BMF: variants seen among roughly 807,000 people sequenced by gnomAD.
BMF encodes bcl-2-modifying factor.
Under a neutral mutation model 22.0 loss-of-function variants are expected in BMF, and 10 were observed. That is an observed-to-expected ratio of 0.45 (90% CI 0.28 to 0.77). The LOEUF is 0.77. Among genes scored for constraint, BMF ranks in the 30% least tolerant of loss-of-function variants. BMF has a pLI of 0.13. For missense variants in BMF, 206 were observed against 226.8 expected (o/e 0.91, Z 0.59); for synonymous variants, 87 against 88.1 (o/e 0.99, Z 0.07).
intron 4 of BMF, among the ~76,000 whole-genome samples, chr15:40,103,173 G>A (rs925509701): frequency 5.3e-5 from 8 of 152,232 alleles, no homozygotes; most frequent in Admixed American, 2.6e-4. Flanking sequence ...CCCAGTCATG[G>A]TCAAGCTATT....
rs1567035483 is a variant in BMF, at chr15:40,104,350, T to TAG, written c.293-12_293-11dup. 1 of 1,613,800 alleles carries TAG rather than the reference T, an allele frequency of 6.2e-7. No individual in the cohort carries two copies. Among genetic ancestry groups the TAG allele is most frequent in the Admixed American group, 1.7e-5 (1 of 60,004 alleles). The stretch of plus-strand genomic sequence containing the variant: ...CGATAGCCAGCATTGCCTGCAAAGA[T>TAG]AGAGGATCCACATCTCAGCATTCTC... On this transcript the variant is annotated splice_polypyrimidine_tract_variant and intron_variant, in intron 3 of 4. Coordinates refer to ENST00000354670, the MANE Select transcript of BMF (RefSeq NM_001003940.2).
chr15:40,093,758 G>A (rs1445855887), intron 4 of BMF, among the ~76,000 whole-genome samples: 2 of 152,212 alleles, frequency 1.3e-5, no homozygotes, highest in Non-Finnish European at 2.9e-5. Context: ...ATAGTAACGT[G>A]GGGTTAGGGT....
chr15:40,098,422 A>C (rs1398113828), intron 4 of BMF, among the ~76,000 whole-genome samples: 4 of 151,162 alleles, frequency 2.6e-5, no homozygotes, highest in African/African-American at 9.7e-5. Flanking sequence ...CAGAGCTCAG[A>C]AGGGCACAAT....
Position 40,091,824 on chromosome 15 carries a change from T to C in BMF, c.518A>G (p.Asn173Ser). 6.2e-7 allele frequency: 1 copy of C among 1,611,628 alleles called. No individual in the cohort carries two copies. Among genetic ancestry groups the C allele is most frequent in the Non-Finnish European group, 8.5e-7 (1 of 1,179,262 alleles). Reference protein sequence around the residue: ...ILLFLHNLALNGEENRNGAGP... With the variant: ...ILLFLHNLALSGEENRNGAGP... ...TGCCCCGTTCCTGTTCTCTTCTCCA[T>C]TCAAAGCAAGGTTGTGCAGGAAGAG... The change falls in exon 5 of 5, where the codon AAT (asparagine) becomes AGT (serine). Residue 173 changes from asparagine to serine, a missense_variant. Transcript: ENST00000354670.
chr15:40,105,730 G>A (rs1281100700), intron 3 of BMF, 65 bp downstream of exon 3: 6 of 1,505,362 alleles, frequency 4.0e-6, no homozygotes, highest in Non-Finnish European at 5.4e-6. Context: ...GCAGGTTTGG[G>A]GAGGGAAAGT....
chr15:40,092,453 TCACACA>T (rs34626523), intron 4 of BMF, among the ~76,000 whole-genome samples: 4 of 148,606 alleles, frequency 2.7e-5, no homozygotes, highest in African/African-American at 7.4e-5. Flanking sequence ...ACACACAGAC[TCACACA>T]CACACACACA....
chr15:40,093,704 G>A (rs1306632509), intron 4 of BMF, among the ~76,000 whole-genome samples: 1 of 152,174 alleles, frequency 6.6e-6, no homozygotes. Context: ...CTCCTGAGGT[G>A]CTTGTCTGAG....
intron 3 of BMF, 55 bp from the exon 4 acceptor site, chr15:40,104,395 C>G (rs2036542611): frequency 1.3e-6 from 2 of 1,593,850 alleles, no homozygotes; most frequent in Admixed American, 1.7e-5. Flanking sequence ...TCCAACCTCC[C>G]TACGCCTGCC....
chr15:40,095,158 AC>A (rs2036330402), intron 4 of BMF, among the ~76,000 whole-genome samples: 1 of 152,142 alleles, frequency 6.6e-6, no homozygotes, highest in African/African-American at 2.4e-5. Flanking sequence ...AGCAGATACC[AC>A]ACAGGCTCCC....
chr15:40,101,281 T>C (rs982468024), intron 4 of BMF, among the ~76,000 whole-genome samples: 4 of 152,140 alleles, frequency 2.6e-5, no homozygotes, highest in Admixed American at 6.5e-5. Context: ...GAAACAGGCA[T>C]TAAAGAACAT....
chr15:40,105,754 C>A, intron 3 of BMF, 41 bp downstream of exon 3: 1 of 1,534,862 alleles, frequency 6.5e-7, no homozygotes, highest in Non-Finnish European at 8.8e-7. Flanking sequence ...CTCTTTTCCC[C>A]CAGTCTCTAT....
chr15:40,105,997 G>A lies in BMF; in HGVS notation c.90C>T (p.Leu30=). The stretch of plus-strand genomic sequence containing the variant: ...GGCTCTGGGCAAACAGGTCAGCAGA[G>A]AGCAAGCTCCCGGGTTGGGTCACCG... The part of the protein sequence containing the change: ...GEPVTQPGSL[L]SADLFAQSLL... Residue 30 remains leucine (L), a synonymous_variant, in exon 3 of 5, where the codon CTC becomes CTT. Transcript: ENST00000354670. The A allele has an allele frequency of 6.2e-7, 1 of 1,614,036 alleles. No homozygotes were observed. Among genetic ancestry groups the A allele is most frequent in the Non-Finnish European group, 8.5e-7 (1 of 1,180,014 alleles).
In BMF at chr15:40,106,891, T is replaced by C. The variant is rs1030683898; in HGVS notation, c.-5-800A>G. On this transcript the variant is annotated intron_variant, in intron 2 of 4. Coordinates refer to ENST00000354670, the MANE Select transcript of BMF (RefSeq NM_001003940.2). This position sits in a 1 kb window ranked among gnomAD's most constrained non-coding sequence, Gnocchi z 4.1. ...GCCTCTCCCAACTAAGTCTCCTCAC[T>C]AGTCTCCACGACTTCAAATCCCTGA... Among the ~76,000 whole-genome samples the C allele has an allele frequency of 2.6e-5, 4 of 152,190 alleles. No individual in the cohort carries two copies. The highest frequency in any genetic ancestry group is 5.9e-5 in the Non-Finnish European group (4 of 68,026).
rs758898121 is a variant in BMF, at chr15:40,091,814, C to G, written c.528G>C (p.Glu176Asp). 3 of 1,610,168 alleles carry G rather than the reference C, an allele frequency of 1.9e-6. No individual in the cohort carries two copies. The highest frequency in any genetic ancestry group is 2.2e-5 in the South Asian group (2 of 90,178). The change falls in exon 5 of 5, where the codon GAG becomes GAC. Residue 176 changes from glutamate to aspartate, a missense_variant. Glu to Asp is a conservative substitution (Grantham distance 45, BLOSUM62 2). Coordinates refer to ENST00000354670, the MANE Select transcript of BMF (RefSeq NM_001003940.2). ...ACCTAGGGCCTGCCCCGTTCCTGTTCTCTTCTCCATTCAAAGCAAGGTTGT... is the reference window on the plus strand; with the variant it reads ...ACCTAGGGCCTGCCCCGTTCCTGTTGTCTTCTCCATTCAAAGCAAGGTTGT... The part of the protein sequence containing the change: ...FLHNLALNGE[E>D]NRNGAGPR
chr15:40,103,570 G>A (rs1049359121), intron 4 of BMF, among the ~76,000 whole-genome samples: 2 of 152,206 alleles, frequency 1.3e-5, no homozygotes, highest in East Asian at 1.9e-4. Context: ...CCAGGCTGCC[G>A]GCCAAGCGCC....
Position 40,106,034 on chromosome 15 carries a change from T to C in BMF, c.53A>G (p.Glu18Gly). The change falls in exon 3 of 5, where the codon GAG becomes GGG. Residue 18 changes from glutamate (E) to glycine (G), a missense_variant. Coordinates refer to ENST00000354670, the MANE Select transcript of BMF (RefSeq NM_001003940.2). This position sits in a 1 kb window ranked among gnomAD's most constrained non-coding sequence, Gnocchi z 4.1. ...EELEDDVFQPEDGEPVTQPGS... is the reference protein window; with the variant it reads ...EELEDDVFQPGDGEPVTQPGS... ...GGGTTGGGTCACCGGCTCCCCATCC[T>C]CTGGTTGGAACACATCATCCTCCAG... The C allele has an allele frequency of 1.2e-6, 2 of 1,613,568 alleles. No individual in the cohort carries two copies. The highest frequency in any genetic ancestry group is 1.7e-6 in the Non-Finnish European group (2 of 1,179,950).
intron 4 of BMF, among the ~76,000 whole-genome samples, chr15:40,098,826 G>A (rs903270568): frequency 1.3e-5 from 2 of 152,122 alleles, no homozygotes; most frequent in African/African-American, 2.4e-5. Flanking sequence ...TGAACTCTCC[G>A]GAACTACAAG....
chr15:40,095,859 C>T (rs1179496559), intron 4 of BMF, among the ~76,000 whole-genome samples: 2 of 152,198 alleles, frequency 1.3e-5, no homozygotes, highest in Non-Finnish European at 1.5e-5. Flanking sequence ...GCCTCATTTT[C>T]TTGCCACGGA....
chr15:40,102,072 C>T (rs892742264), intron 4 of BMF, among the ~76,000 whole-genome samples: 4 of 152,128 alleles, frequency 2.6e-5, no homozygotes, highest in African/African-American at 9.7e-5. Flanking sequence ...AACACCTTGT[C>T]TAAAACTAAC....
Sources: gnomAD v4.1 joint callset for allele counts (sites outside exome capture counted in the v4.1 genomes callset) on GRCh38, gnomAD v4.1.1 for gene constraint, Gnocchi (gnomAD v3.1) non-coding constraint, MANE v1.5 for transcripts, NCBI Gene and HGNC (gene_info 2026-07-23, HGNC 2026-07-21) for gene names.